The following DPYD variants were observed in gnomAD, a reference collection of about 807,000 sequenced individuals.
DPYD encodes the protein dihydropyrimidine dehydrogenase.
Under a neutral mutation model 116.2 loss-of-function variants are expected in DPYD, and 109 were observed. That is an observed-to-expected ratio of 0.94 (90% CI 0.80 to 1.10). The LOEUF (loss-of-function observed/expected upper bound fraction) is 1.10, where lower values mean the gene tolerates loss of function less well. Ranked by LOEUF, DPYD falls within the 50% of genes least tolerant of loss-of-function variation. The pLI is 0.00. For synonymous variants in DPYD, 440 were observed against 432.0 expected, an observed-to-expected ratio of 1.02 and a Z score of -0.23; for missense variants, 1,302 against 1,254.5, an observed-to-expected ratio of 1.04 and a Z score of -0.57.
At chr1:97,898,874 C>T (rs7517110) in intron 1 of DPYD, among the ~76,000 whole-genome samples, 2,830 of 152,006 alleles carry the variant, frequency 0.019, 92 homozygotes, top group African/African-American at 0.065. Flanking sequence ...TCCTCCTTTG[C>T]CTTCCAACAT....
chr1:97,377,976 C>T (rs907079990), intron 15 of DPYD, among the ~76,000 whole-genome samples: 6 of 152,252 alleles, frequency 3.9e-5, no homozygotes, highest in African/African-American at 1.4e-4. Context: ...GTGTACTGTA[C>T]TGGGGCATGA....
intron 4 of DPYD, among the ~76,000 whole-genome samples, chr1:97,732,275 G>T (rs577055958): frequency 2.2e-4 from 34 of 152,130 alleles, no homozygotes; most frequent in African/African-American, 7.9e-4. Flanking sequence ...AGGAGATGGA[G>T]ACCATCCTAG....
chr1:97,546,065 C>G (rs924656539), intron 12 of DPYD: 7 of 1,407,664 alleles, frequency 5.0e-6, no homozygotes, highest in Non-Finnish European at 7.1e-6. Flanking sequence ...GCAACAACAT[C>G]ACAGTAGGAT....
At chr1:97,417,435 ATGTCT>A (rs1239997894) in intron 14 of DPYD, among the ~76,000 whole-genome samples, 3 of 152,202 alleles carry the variant, frequency 2.0e-5, no homozygotes, top group African/African-American at 7.2e-5. Flanking sequence ...ATTATTATAT[ATGTCT>A]TGCATTCAAA....
chr1:97,402,553 T>C (rs553021029), intron 14 of DPYD, among the ~76,000 whole-genome samples: 24 of 152,216 alleles, frequency 1.6e-4, no homozygotes, highest in African/African-American at 5.3e-4. Context: ...CACAATAATG[T>C]CATCTGCAAA....
chr1:97,667,495 A>AT (rs1254194619), intron 8 of DPYD, among the ~76,000 whole-genome samples: 2 of 152,164 alleles, frequency 1.3e-5, no homozygotes, highest in Non-Finnish European at 2.9e-5. Flanking sequence ...TGAAAAGCAA[A>AT]TGAAAAATCA....
At chr1:97,828,716 A>G (rs1331911464) in intron 2 of DPYD, among the ~76,000 whole-genome samples, 1 of 151,980 alleles carries the variant, frequency 6.6e-6, no homozygotes, top group Admixed American at 6.6e-5. Context: ...TTATAATCAG[A>G]TCTTTAAATA....
chr1:97,739,197 TC>T (rs1227502799), intron 4 of DPYD, among the ~76,000 whole-genome samples: 5 of 152,116 alleles, frequency 3.3e-5, no homozygotes, highest in Non-Finnish European at 7.4e-5. Context: ...AGCAATCACT[TC>T]TATAGTATTT....
rs764939839 is a variant in DPYD at position 97,721,552 on chromosome 1, C to T, written c.441G>A (p.Glu147=). 2 of 1,611,736 alleles carry T rather than the reference C, an allele frequency of 1.2e-6. No homozygotes were observed. Among genetic ancestry groups the T allele is most frequent in the East Asian group, 2.2e-5 (1 of 44,810 alleles). ...VGGCNLYATE[E]GPINIGGLQQ... is the part of the protein sequence containing the mutation. The stretch of plus-strand genomic sequence containing the variant: ...GCAATCCACCAATATTAATGGGTCC[C>T]TCTTCAGTGGCATATAAATTGCATC... The change falls in exon 5 of 23, where the codon GAG becomes GAA. Residue 147 remains glutamate (E), a synonymous_variant. Coordinates refer to ENST00000370192, the MANE Select transcript of DPYD (RefSeq NM_000110.4).
rs72977737 is a variant in DPYD at position 97,723,651 on chromosome 1, T to A, written c.322-1980A>T. On this transcript the variant is annotated intron_variant, in intron 4 of 22. Coordinates refer to ENST00000370192, the MANE Select transcript of DPYD (RefSeq NM_000110.4). ...GTTTCTTTTAATCAAGAGATTAGGA[T>A]CTGTTTATTCCCCCAAATTGGATCA... Among the ~76,000 whole-genome samples the A allele has an allele frequency of 5.4e-3, 821 of 151,738 alleles. 7 individuals are homozygous for A. Among genetic ancestry groups the A allele is most frequent in the African/African-American group, 0.019 (779 of 41,502 alleles).
intron 13 of DPYD, among the ~76,000 whole-genome samples, chr1:97,486,204 C>A (rs1041822982): frequency 2.6e-5 from 4 of 152,052 alleles, no homozygotes; most frequent in African/African-American, 9.7e-5. Context: ...TTATAAAGTT[C>A]ATGGATAACA....
At chr1:97,208,130 A>G (rs1036077159) in intron 19 of DPYD, among the ~76,000 whole-genome samples, 1 of 151,772 alleles carries the variant, frequency 6.6e-6, no homozygotes, top group Non-Finnish European at 1.5e-5. Context: ...AGAAGAGAGC[A>G]ATTGTTTTTG....
chr1:97,570,023 T>A (rs1274674737), intron 11 of DPYD, among the ~76,000 whole-genome samples: 1 of 152,008 alleles, frequency 6.6e-6, no homozygotes, highest in African/African-American at 2.4e-5. Flanking sequence ...ATGATATACT[T>A]ATCTTTTCTA....
intron 14 of DPYD, among the ~76,000 whole-genome samples, chr1:97,410,720 T>G (rs1673939774): frequency 6.6e-6 from 1 of 152,114 alleles, no homozygotes; most frequent in African/African-American, 2.4e-5. Flanking sequence ...GAACCAAAGT[T>G]TATAGATAGA....
At chr1:97,815,441 C>T (rs1668554116) in intron 3 of DPYD, among the ~76,000 whole-genome samples, 1 of 151,982 alleles carries the variant, frequency 6.6e-6, no homozygotes, top group South Asian at 2.1e-4. Flanking sequence ...AAAGGAGTGG[C>T]CAATGAAGCA....
At chr1:97,881,733 G>A (rs1672230384) in intron 2 of DPYD, among the ~76,000 whole-genome samples, 2 of 151,904 alleles carry the variant, frequency 1.3e-5, no homozygotes, top group Admixed American at 1.3e-4. Flanking sequence ...ATAAATGCGA[G>A]ACATTAGGGA....
chr1:97,768,098 G>A (rs77871763), intron 3 of DPYD, among the ~76,000 whole-genome samples: 10,691 of 152,092 alleles, frequency 0.07, 497 homozygotes, highest in African/African-American at 0.12. Flanking sequence ...TCAGGTCCTC[G>A]AAAGTTTTGG....
intron 20 of DPYD, among the ~76,000 whole-genome samples, chr1:97,184,758 CTTA>C (rs1169364305): frequency 6.6e-6 from 1 of 152,034 alleles, no homozygotes; most frequent in African/African-American, 2.4e-5. Context: ...GTTAAATTCA[CTTA>C]TTATTTTAAT....
intron 8 of DPYD, among the ~76,000 whole-genome samples, chr1:97,621,129 T>C (rs1484842406): frequency 1.3e-5 from 2 of 152,188 alleles, no homozygotes; most frequent in Non-Finnish European, 2.9e-5. Flanking sequence ...ATCAATAGCA[T>C]ATAGGACCTA....
Sources: allele counts gnomAD v4.1 joint callset (sites outside exome capture counted in the v4.1 genomes callset), GRCh38; gene constraint gnomAD v4.1.1; transcripts MANE v1.5; gene names NCBI Gene and HGNC (gene_info 2026-07-23, HGNC 2026-07-21).